Variants in LPCAT1 observed in about 807,000 individuals in gnomAD.
The protein encoded by LPCAT1 is 1-acylglycerol-3-phosphate O-acyltransferase.
A neutral mutation model predicts 60.9 loss-of-function variants in LPCAT1; 23 were observed. The ratio of observed to expected loss-of-function variants is 0.38; its 90% CI spans 0.27 to 0.53. LPCAT1 has a LOEUF of 0.53. Ranked by LOEUF, LPCAT1 falls within the 20% of genes least tolerant of loss-of-function variation. The pLI, the probability that LPCAT1 is intolerant of heterozygous loss-of-function variation, is 0.82. For missense variants in LPCAT1, 622 were observed against 723.6 expected (o/e 0.86, Z 1.61); for synonymous variants, 340 against 301.1 (o/e 1.13, Z -1.34).
intron 1 of LPCAT1, among the ~76,000 whole-genome samples, chr5:1,513,341 T>C (rs1291481632): frequency 1.3e-5 from 2 of 152,118 alleles, no homozygotes; most frequent in East Asian, 3.9e-4. Flanking sequence ...CCCCACACTC[T>C]AGAGGAGAGA....
intron 13 of LPCAT1, among the ~76,000 whole-genome samples, chr5:1,465,119 C>T (rs893954728): frequency 3.1e-5 from 3 of 95,556 alleles, no homozygotes; most frequent in South Asian, 8.3e-4. Flanking sequence ...CACACATGCA[C>T]ACACACACAA....
chr5:1,491,809 T>C (rs908702956), intron 3 of LPCAT1, among the ~76,000 whole-genome samples: 1 of 152,172 alleles, frequency 6.6e-6, no homozygotes, highest in African/African-American at 2.4e-5. Flanking sequence ...ACTAAGAATG[T>C]GAAAAGGAAA....
chr5:1,485,086 G>A (rs1304998145), intron 5 of LPCAT1, among the ~76,000 whole-genome samples: 2 of 152,136 alleles, frequency 1.3e-5, no homozygotes, highest in Non-Finnish European at 2.9e-5. Context: ...GTGGAGTGCC[G>A]AGACCTGCTG....
intron 13 of LPCAT1, among the ~76,000 whole-genome samples, chr5:1,464,317 G>T (rs982970267): frequency 6.6e-6 from 1 of 152,182 alleles, no homozygotes; most frequent in African/African-American, 2.4e-5. Flanking sequence ...TCATGTGAGC[G>T]CCCTCGGCTC....
Position 1,496,615 on chromosome 5 carries a change from G to A in LPCAT1, c.279-1701C>T, listed in dbSNP as rs1464378861. Among the ~76,000 whole-genome samples the A allele has an allele frequency of 6.6e-6, 1 of 152,144 alleles. No homozygotes were observed. Among genetic ancestry groups the A allele is most frequent in the African/African-American group, 2.4e-5 (1 of 41,440 alleles). Reference sequence around the variant, plus strand: ...GGGATTAAAACCCGGGCGGCCCTTAGAGGAACACACCTGCCAGCCCCGAAA... The same window carrying A: ...GGGATTAAAACCCGGGCGGCCCTTAAAGGAACACACCTGCCAGCCCCGAAA... On this transcript the variant is annotated intron_variant, in intron 2 of 13. Transcript: ENST00000283415. This position sits in a 1 kb window ranked among gnomAD's most constrained non-coding sequence, Gnocchi z 4.7.
At chr5:1,498,597 TA>T (rs1481287471) in intron 2 of LPCAT1, among the ~76,000 whole-genome samples, 3 of 152,080 alleles carry the variant, frequency 2.0e-5, no homozygotes, top group African/African-American at 7.2e-5. Flanking sequence ...ACATCATACA[TA>T]TGTGGACACC....
At chr5:1,512,431 T>C (rs1736385554) in intron 1 of LPCAT1, among the ~76,000 whole-genome samples, 1 of 152,232 alleles carries the variant, frequency 6.6e-6, no homozygotes. Context: ...CCAGTGTCCA[T>C]GCTTCCCGTA....
chr5:1,472,468 A>G (rs1734722714), intron 11 of LPCAT1, among the ~76,000 whole-genome samples: 1 of 150,298 alleles, frequency 6.7e-6, no homozygotes, highest in Admixed American at 6.6e-5. Context: ...AAATGACTAC[A>G]AGTCCCTGGC....
intron 1 of LPCAT1, among the ~76,000 whole-genome samples, chr5:1,509,744 G>C (rs1736297849): frequency 6.6e-6 from 1 of 152,170 alleles, no homozygotes; most frequent in African/African-American, 2.4e-5. Context: ...TTCAAATATG[G>C]AATCAGCGAT....
chr5:1,480,138 AC>A lies in LPCAT1; in HGVS notation c.762-464del. ...TGGAGCTGCTCCCAGGGCCACACTC[AC>A]GCCTCCGACAGCCCAGTGCCCCAAC... On this transcript the variant is annotated intron_variant, in intron 7 of 13. Coordinates refer to ENST00000283415, the MANE Select transcript of LPCAT1 (RefSeq NM_024830.5). The surrounding 1 kb of genome is among the most constrained non-coding windows in gnomAD (Gnocchi z 6.4). Among the ~76,000 whole-genome samples the A allele has an allele frequency of 6.6e-6, 1 of 151,096 alleles. No individual in the cohort carries two copies. Among genetic ancestry groups the A allele is most frequent in the South Asian group, 2.1e-4 (1 of 4,766 alleles).
chr5:1,465,828 G>A (rs1734369754), intron 13 of LPCAT1, among the ~76,000 whole-genome samples: 1 of 151,008 alleles, frequency 6.6e-6, no homozygotes, highest in African/African-American at 2.4e-5. Flanking sequence ...GTGCACACAC[G>A]TATGCACACG....
intron 1 of LPCAT1, among the ~76,000 whole-genome samples, chr5:1,511,310 G>C (rs1174832314): frequency 6.6e-6 from 1 of 152,176 alleles, no homozygotes; most frequent in African/African-American, 2.4e-5. Flanking sequence ...TAGCAGACGT[G>C]GCATCAGAGA....
Position 1,465,147 on chromosome 5 carries a change from G to A in LPCAT1, c.1421-1312C>T, listed in dbSNP as rs114789896. Among the ~76,000 whole-genome samples the A allele has an allele frequency of 2.0e-3, 191 of 93,702 alleles. No individual in the cohort carries two copies. The Middle Eastern group carries it at 0.041, about 20-fold the overall frequency. The allele number at this position is 93,702 out of a possible 152,430, so 61.5% of individuals were successfully genotyped here. A position where few individuals can be genotyped will look rare whatever the true frequency, so the allele number is the denominator to read the frequency against. ...ACACACAAAACAAGCGCAGGCACAC[G>A]CGGTAACTAAACATGCATGCACACA... On this transcript the variant is annotated intron_variant, in intron 13 of 13. Transcript: ENST00000283415.
chr5:1,513,474 A>G (rs1736415696), intron 1 of LPCAT1, among the ~76,000 whole-genome samples: 1 of 152,180 alleles, frequency 6.6e-6, no homozygotes, highest in African/African-American at 2.4e-5. Context: ...GAGGGAAGGG[A>G]GCAGAAACTC....
chr5:1,509,794 G>A (rs749547343), intron 1 of LPCAT1, among the ~76,000 whole-genome samples: 1 of 152,172 alleles, frequency 6.6e-6, no homozygotes, highest in Non-Finnish European at 1.5e-5. Flanking sequence ...GATACTAAAA[G>A]CAGACAGGAA....
At chr5:1,498,906 T>C (rs1242632844) in intron 2 of LPCAT1, among the ~76,000 whole-genome samples, 1 of 151,948 alleles carries the variant, frequency 6.6e-6, no homozygotes, top group African/African-American at 2.4e-5. Context: ...TACATATGTA[T>C]GCACACTCAC....
chr5:1,515,139 G>A (rs559580728), intron 1 of LPCAT1, among the ~76,000 whole-genome samples: 4 of 147,584 alleles, frequency 2.7e-5, no homozygotes, highest in South Asian at 2.1e-4. Context: ...TTCCTACTCC[G>A]AACTGGCCGC....
At chr5:1,486,535 G>T (rs1735377970) in intron 5 of LPCAT1, among the ~76,000 whole-genome samples, 1 of 152,118 alleles carries the variant, frequency 6.6e-6, no homozygotes, top group Non-Finnish European at 1.5e-5. Context: ...GTGGAGGGAG[G>T]GTCTGAGTGG....
chr5:1,487,021 C>T lies in LPCAT1; in HGVS notation c.667+1370G>A, dbSNP rs1437661235. ...TGCTCACACGCCCTCCTCACGTCTACACAAGGGCCGCCAGCTCCAAAGGGC... is the reference window on the plus strand; with the variant it reads ...TGCTCACACGCCCTCCTCACGTCTATACAAGGGCCGCCAGCTCCAAAGGGC... On this transcript the variant is annotated intron_variant, in intron 5 of 13. Transcript: ENST00000283415. The surrounding 1 kb of genome is among the most constrained non-coding windows in gnomAD (Gnocchi z 6.1). Among the ~76,000 whole-genome samples the T allele has an allele frequency of 6.6e-6, 1 of 152,224 alleles. No homozygotes were observed. The highest frequency in any genetic ancestry group is 2.4e-5 in the African/African-American group (1 of 41,460).
Sources: gnomAD v4.1 joint callset for allele counts (sites outside exome capture counted in the v4.1 genomes callset) on GRCh38, gnomAD v4.1.1 for gene constraint, Gnocchi (gnomAD v3.1) non-coding constraint, MANE v1.5 for transcripts, NCBI Gene and HGNC (gene_info 2026-07-23, HGNC 2026-07-21) for gene names.